Variants in TENM3 observed in about 807,000 individuals in gnomAD.
TENM3 encodes teneurin transmembrane protein 3, also known as teneurin-3.
Under a neutral mutation model 255.1 loss-of-function variants are expected in TENM3, and 63 were observed. That is an observed-to-expected ratio of 0.25 (90% confidence interval 0.20 to 0.30). TENM3 has a LOEUF of 0.30. Ranked by LOEUF, TENM3 falls within the 10% of genes least tolerant of loss-of-function variation. The pLI is 1.00. For synonymous variants in TENM3, 1,306 were observed against 1,322.3 expected (o/e 0.99, Z 0.27); for missense variants, 2,929 against 3,461.1 (o/e 0.85, Z 3.86).
chr4:182,648,577 G>T (rs576092236), intron 5 of TENM3, among the ~76,000 whole-genome samples: 1 of 151,998 alleles, frequency 6.6e-6, no homozygotes, highest in Non-Finnish European at 1.5e-5. Context: ...GAGCCACTGC[G>T]CCCTGCCTAA....
chr4:182,072,634 G>A, the TENM3 span, among the ~76,000 whole-genome samples: 3,737 of 152,236 alleles, frequency 0.025, 165 homozygotes, highest in African/African-American at 0.085. Flanking sequence ...GTTATCAACT[G>A]CTGCTTAATC....
the TENM3 span, among the ~76,000 whole-genome samples, chr4:181,889,526 T>G: frequency 1.1e-4 from 16 of 152,208 alleles, no homozygotes; most frequent in African/African-American, 3.9e-4. Flanking sequence ...GTATGCTTTT[T>G]GAGGCTGTTT....
At chr4:181,767,095 A>G in the TENM3 span, among the ~76,000 whole-genome samples, 2 of 132,618 alleles carry the variant, frequency 1.5e-5, no homozygotes, top group African/African-American at 5.7e-5. Flanking sequence ...TACTAAAAAT[A>G]CAAAAAATTA....
At chr4:181,908,272 G>A in the TENM3 span, among the ~76,000 whole-genome samples, 2 of 152,126 alleles carry the variant, frequency 1.3e-5, no homozygotes, top group Admixed American at 6.6e-5. Context: ...GTCTAGTAGT[G>A]ACAGTTTCTC....
chr4:181,860,788 A>G, the TENM3 span, among the ~76,000 whole-genome samples: 2 of 152,182 alleles, frequency 1.3e-5, no homozygotes, highest in Non-Finnish European at 2.9e-5. Context: ...CTTAGAAGGA[A>G]TCATAGTTTT....
chr4:181,961,177 T>A, the TENM3 span, among the ~76,000 whole-genome samples: 1 of 151,724 alleles, frequency 6.6e-6, no homozygotes, highest in Admixed American at 6.6e-5. Context: ...ATGCTTGCTG[T>A]CAACTTGTGT....
At chr4:182,719,337 C>G (rs1442848920) in intron 13 of TENM3, among the ~76,000 whole-genome samples, 1 of 130,362 alleles carries the variant, frequency 7.7e-6, no homozygotes, top group East Asian at 2.7e-4. Context: ...TCTCGGCTCA[C>G]TGCAACCTCC....
At chr4:182,041,113 C>T in the TENM3 span, among the ~76,000 whole-genome samples, 2 of 152,076 alleles carry the variant, frequency 1.3e-5, no homozygotes, top group African/African-American at 4.8e-5. Context: ...GCTCCAGGAG[C>T]ACAGCGTAAC....
chr4:181,686,586 G>A, the TENM3 span, among the ~76,000 whole-genome samples: 5 of 152,214 alleles, frequency 3.3e-5, no homozygotes, highest in East Asian at 1.9e-4. Flanking sequence ...TAAGTAAGAC[G>A]TGGCTCCTGG....
intron 24 of TENM3, among the ~76,000 whole-genome samples, chr4:182,777,532 T>G (rs1368100116): frequency 6.8e-6 from 1 of 146,044 alleles, no homozygotes; most frequent in Non-Finnish European, 1.5e-5. Context: ...TGTGTGTGTG[T>G]GTGTGTGTGT....
chr4:182,687,399 A>G (rs1756665508), intron 11 of TENM3, among the ~76,000 whole-genome samples: 2 of 152,144 alleles, frequency 1.3e-5, no homozygotes, highest in Admixed American at 1.3e-4. Context: ...ACACATCTGA[A>G]TTCTTTTTAA....
the TENM3 span, among the ~76,000 whole-genome samples, chr4:182,038,457 G>T: frequency 6.6e-6 from 1 of 152,170 alleles, no homozygotes; most frequent in Non-Finnish European, 1.5e-5. Context: ...TTTTAAAGTG[G>T]CAGTAATTAA....
At chr4:181,520,769 A>G in the TENM3 span, among the ~76,000 whole-genome samples, 1 of 152,194 alleles carries the variant, frequency 6.6e-6, no homozygotes, top group Admixed American at 6.5e-5. Flanking sequence ...ATCAGGCACC[A>G]AATGCAGGCT....
intron 4 of TENM3, 118 bp downstream of exon 4, chr4:182,601,279 T>C: frequency 1.2e-6 from 1 of 834,806 alleles, no homozygotes; most frequent in Admixed American, 2.8e-5. Context: ...TGTTTTCTTT[T>C]TTCTTCTCTA....
the TENM3 span, among the ~76,000 whole-genome samples, chr4:181,631,046 A>G: frequency 6.6e-6 from 1 of 152,186 alleles, no homozygotes; most frequent in Non-Finnish European, 1.5e-5. Flanking sequence ...TTGAAATCAA[A>G]GAGTTAGCCA....
At chr4:181,909,489 C>T in the TENM3 span, among the ~76,000 whole-genome samples, 1 of 152,090 alleles carries the variant, frequency 6.6e-6, no homozygotes, top group Non-Finnish European at 1.5e-5. Flanking sequence ...TCCCTAAGTC[C>T]GGCCGCCTCA....
chr4:182,227,976 G>A (rs1246734606), intron 1 of TENM3, among the ~76,000 whole-genome samples: 1 of 152,142 alleles, frequency 6.6e-6, no homozygotes, highest in Non-Finnish European at 1.5e-5. Flanking sequence ...TAAAATGTAA[G>A]TGAACTTATG....
intron 1 of TENM3, among the ~76,000 whole-genome samples, chr4:182,199,708 G>A (rs1479456600): frequency 6.8e-6 from 1 of 147,218 alleles, no homozygotes; most frequent in African/African-American, 2.5e-5. Flanking sequence ...ATGGCTTTGT[G>A]GAACATCATT....
chr4:181,456,125 A>ATGTGTGTGTG, the TENM3 span, among the ~76,000 whole-genome samples: 157 of 62,320 alleles, frequency 2.5e-3, no homozygotes, highest in African/African-American at 3.4e-3. Context: ...ATATATATAT[A>ATGTGTGTGTG]TATGTGTGTG....
Sources: allele counts gnomAD v4.1 joint callset (sites outside exome capture counted in the v4.1 genomes callset), GRCh38; gene constraint gnomAD v4.1.1; transcripts MANE v1.5; gene names NCBI Gene and HGNC (gene_info 2026-07-23, HGNC 2026-07-21).